The following PID1 variants were observed in gnomAD, a reference collection of about 807,000 sequenced individuals.
The protein encoded by PID1 is phosphotyrosine interaction domain containing 1.
A neutral mutation model predicts 19.1 loss-of-function variants in PID1; 10 were observed. That is an observed-to-expected ratio of 0.52 (90% CI 0.32 to 0.89). PID1 has a LOEUF of 0.89. PID1 is among the 40% of genes least tolerant of loss of function. The pLI, the probability that PID1 is intolerant of heterozygous loss-of-function variation, is 0.03. For synonymous variants in PID1, 130 were observed against 116.0 expected (o/e 1.12, Z -0.78); for missense variants, 248 against 285.3 (o/e 0.87, Z 0.94).
intron 2 of PID1, among the ~76,000 whole-genome samples, chr2:229,031,393 C>G (rs574638091): frequency 6.6e-6 from 1 of 151,548 alleles, no homozygotes; most frequent in African/African-American, 2.4e-5. Flanking sequence ...CCCATCTCTA[C>G]GAAAAATACA....
At chr2:229,084,983 T>C (rs192261225) in intron 2 of PID1, among the ~76,000 whole-genome samples, 156 of 152,274 alleles carry the variant, frequency 1.0e-3, no homozygotes, top group African/African-American at 3.6e-3. Flanking sequence ...AAAACTATGT[T>C]TTCTTCTTCC....
chr2:229,089,468 A>G (rs2106217760), intron 2 of PID1, among the ~76,000 whole-genome samples: 1 of 152,304 alleles, frequency 6.6e-6, no homozygotes, highest in East Asian at 1.9e-4. Context: ...CATTGGAATA[A>G]CCTTGATCCC....
At position 229,265,543 on chromosome 2, in the gene PID1, T is replaced by C. The variant is rs150925096; in HGVS notation, c.30+5471A>G. 1.3e-3 allele frequency among the ~76,000 whole-genome samples: 202 copies of C among 152,336 alleles called. 1 individual carries two copies. In the Middle Eastern group the frequency reaches 0.014, roughly 10 times the overall value. The stretch of plus-strand genomic sequence containing the variant: ...ACAGTAGACTAATTCCACTAGACTT[T>C]AAGGAGGTCTTTGGACAAACGACTC... On this transcript the variant is annotated intron_variant, in intron 1 of 2. Transcript: ENST00000392055.
At chr2:229,182,162 A>G (rs756314047) in intron 1 of PID1, among the ~76,000 whole-genome samples, 2 of 152,190 alleles carry the variant, frequency 1.3e-5, no homozygotes, top group Non-Finnish European at 2.9e-5. Context: ...CCAAACTCAT[A>G]GAAGTACAAC....
intron 2 of PID1, among the ~76,000 whole-genome samples, chr2:229,069,143 T>TTTTTTTTGTGTGTGTG (rs369977117): frequency 1.4e-5 from 2 of 140,628 alleles, no homozygotes; most frequent in African/African-American, 5.3e-5. Context: ...AGAAGGGTTT[T>TTTTTTTTGTGTGTGTG]TGTGTGTGTG....
chr2:229,197,998 A>G (rs766128164), intron 1 of PID1, among the ~76,000 whole-genome samples: 61 of 152,064 alleles, frequency 4.0e-4, no homozygotes, highest in Non-Finnish European at 7.9e-4. Flanking sequence ...GAACAACTCA[A>G]ATAAAACTTT....
intron 1 of PID1, among the ~76,000 whole-genome samples, chr2:229,173,544 C>T (rs1001612541): frequency 5.3e-5 from 8 of 152,324 alleles, no homozygotes; most frequent in South Asian, 2.1e-4. Context: ...CTGAGTCATG[C>T]GCTCTACTGA....
chr2:229,145,081 C>T (rs73998570), intron 2 of PID1, among the ~76,000 whole-genome samples: 20,608 of 149,266 alleles, frequency 0.14, 1,736 homozygotes, highest in East Asian at 0.28. Flanking sequence ...TACAGATTCC[C>T]CTAATGCAAA....
chr2:229,036,906 G>A (rs983696549), intron 2 of PID1, among the ~76,000 whole-genome samples: 5 of 152,166 alleles, frequency 3.3e-5, no homozygotes, highest in African/African-American at 9.7e-5. Flanking sequence ...GCCTGACCAC[G>A]AAGTAGAGGG....
At chr2:229,096,726 A>G (rs1694977715) in intron 2 of PID1, among the ~76,000 whole-genome samples, 1 of 152,202 alleles carries the variant, frequency 6.6e-6, no homozygotes, top group Non-Finnish European at 1.5e-5. Context: ...ACTGGCTTCT[A>G]TCTCCTTGGG....
intron 1 of PID1, among the ~76,000 whole-genome samples, chr2:229,189,246 A>T (rs987533861): frequency 6.6e-6 from 1 of 152,208 alleles, no homozygotes; most frequent in Non-Finnish European, 1.5e-5. Context: ...AGCTGCACCC[A>T]ACCCTAAGTC....
intron 1 of PID1, among the ~76,000 whole-genome samples, chr2:229,229,387 G>GC (rs1466532015): frequency 6.6e-6 from 1 of 152,006 alleles, no homozygotes; most frequent in East Asian, 1.9e-4. Flanking sequence ...TTCTTGCATT[G>GC]CCCCCCAAAA....
chr2:229,236,157 T>A lies in PID1; in HGVS notation c.30+34857A>T, dbSNP rs978063694. On this transcript the variant is annotated intron_variant, in intron 1 of 2. Coordinates refer to ENST00000392055, the MANE Select transcript of PID1 (RefSeq NM_001100818.2). Reference sequence around the variant, plus strand: ...GACCATATTAGCAATGGTTTTTGGCTTTTGAAAAAAAACATGTTACCTTTA... The same window carrying A: ...GACCATATTAGCAATGGTTTTTGGCATTTGAAAAAAAACATGTTACCTTTA... Among the ~76,000 whole-genome samples the A allele has an allele frequency of 1.6e-3, 11 of 6,890 alleles. No homozygotes were observed. In the South Asian group the frequency reaches 0.35, roughly 217 times the overall value. 4.5% of individuals were successfully genotyped at this position (6,890 alleles called of 152,430 possible). A position where few individuals can be genotyped will look rare whatever the true frequency, so the allele number is the denominator to read the frequency against.
At position 229,025,845 on chromosome 2, in the gene PID1, G is replaced by A. The variant is rs749402709; in HGVS notation, c.441C>T (p.Phe147=). ...CATTGATCTCCCTGTAGACCCAGGC[G>A]AAGATGTTGGGGCTCACGTTGTGGT... ...TADHNVSPNI[F]AWVYREINDD... The change falls in exon 3 of 3, where the codon TTC becomes TTT. Residue 147 remains phenylalanine (F), a synonymous_variant. Transcript: ENST00000392055. The A allele has an allele frequency of 1.6e-5, 26 of 1,614,236 alleles. No individual in the cohort carries two copies. Among genetic ancestry groups the A allele is most frequent in the South Asian group, 1.2e-4 (11 of 91,090 alleles).
At chr2:229,176,566 C>G (rs781158298) in intron 1 of PID1, among the ~76,000 whole-genome samples, 4 of 152,204 alleles carry the variant, frequency 2.6e-5, no homozygotes, top group African/African-American at 4.8e-5. Flanking sequence ...ATTAGTCATG[C>G]CTGATTTCAA....
intron 1 of PID1, among the ~76,000 whole-genome samples, chr2:229,237,026 T>A (rs907616264): frequency 2.9e-5 from 4 of 138,296 alleles, no homozygotes; most frequent in South Asian, 4.8e-4. Context: ...ACACACACAC[T>A]GACTTCTAAT....
At chr2:229,222,881 A>T (rs1692002743) in intron 1 of PID1, among the ~76,000 whole-genome samples, 1 of 114,998 alleles carries the variant, frequency 8.7e-6, no homozygotes, top group Non-Finnish European at 1.8e-5. Flanking sequence ...ACACACACAC[A>T]CACACACACA....
At chr2:229,165,136 A>G (rs756741038) in intron 1 of PID1, among the ~76,000 whole-genome samples, 6 of 152,228 alleles carry the variant, frequency 3.9e-5, no homozygotes, top group African/African-American at 1.4e-4. Flanking sequence ...ACTAGACTAC[A>G]TGTTGCTCTG....
intron 1 of PID1, among the ~76,000 whole-genome samples, chr2:229,166,228 G>A (rs992585019): frequency 1.3e-5 from 2 of 152,184 alleles, no homozygotes; most frequent in Admixed American, 1.3e-4. Context: ...CATACTGTAT[G>A]ATTCCATTTA....
Sources: allele counts gnomAD v4.1 joint callset (sites outside exome capture counted in the v4.1 genomes callset), GRCh38; gene constraint gnomAD v4.1.1; transcripts MANE v1.5; gene names NCBI Gene and HGNC (gene_info 2026-07-23, HGNC 2026-07-21).